Variants in NBEA observed in about 807,000 individuals in gnomAD.
NBEA encodes neurobeachin, also known as lysosomal-trafficking regulator 2.
Under a neutral mutation model 343.4 loss-of-function variants are expected in NBEA, and 44 were observed. The observed-to-expected ratio is 0.13, with a 90% CI of 0.10 to 0.16. The LOEUF (loss-of-function observed/expected upper bound fraction) is 0.16. NBEA is among the 10% of genes least tolerant of loss of function. The pLI is 1.00. For synonymous variants in NBEA, 1,175 were observed against 1,238.7 expected, an observed-to-expected ratio of 0.95 and a Z score of 1.08; for missense variants, 2,555 against 3,631.3, an observed-to-expected ratio of 0.70 and a Z score of 7.62.
At chr13:35,409,969 T>C (rs772527827) in intron 38 of NBEA, among the ~76,000 whole-genome samples, 10 of 152,170 alleles carry the variant, frequency 6.6e-5, no homozygotes, top group Non-Finnish European at 1.0e-4. Flanking sequence ...ATTATATTCA[T>C]GCTTTTTTGC....
At chr13:35,651,058 A>T (rs2084498072) in intron 52 of NBEA, among the ~76,000 whole-genome samples, 1 of 152,188 alleles carries the variant, frequency 6.6e-6, no homozygotes, top group East Asian at 1.9e-4. Flanking sequence ...AAAATATATG[A>T]CTGTATTATT....
chr13:35,624,055 GGTGTGTGTGT>G (rs10561419), intron 48 of NBEA, among the ~76,000 whole-genome samples: 12 of 147,408 alleles, frequency 8.1e-5, no homozygotes, highest in African/African-American at 3.1e-4. Flanking sequence ...TGTGTGTGTG[GGTGTGTGTGT>G]GTGTGTGTGT....
chr13:35,394,050 T>A (rs906130214), intron 38 of NBEA, among the ~76,000 whole-genome samples: 1 of 152,168 alleles, frequency 6.6e-6, no homozygotes, highest in Non-Finnish European at 1.5e-5. Flanking sequence ...CTGTTTGAAC[T>A]ATTTTATATC....
intron 41 of NBEA, among the ~76,000 whole-genome samples, chr13:35,488,027 A>T (rs1002324184): frequency 2.6e-5 from 4 of 151,848 alleles, no homozygotes; most frequent in Non-Finnish European, 4.4e-5. Context: ...CAAATATCTT[A>T]TTTGTTTAAA....
chr13:35,216,765 A>G (rs2074088115), intron 33 of NBEA, among the ~76,000 whole-genome samples: 1 of 151,966 alleles, frequency 6.6e-6, no homozygotes, highest in African/African-American at 2.4e-5. Context: ...TCTCAGTCAT[A>G]TTCTATGGTA....
At chr13:35,051,355 A>T (rs1268234568) in intron 6 of NBEA, among the ~76,000 whole-genome samples, 1 of 151,376 alleles carries the variant, frequency 6.6e-6, no homozygotes, top group African/African-American at 2.4e-5. Context: ...TGAGGGGGAG[A>T]TCTTTATTTC....
intron 10 of NBEA, among the ~76,000 whole-genome samples, chr13:35,081,168 G>A (rs541758831): frequency 2.6e-5 from 4 of 152,268 alleles, no homozygotes; most frequent in Admixed American, 1.3e-4. Context: ...TGGGGGAATA[G>A]CAGGAGTCCT....
chr13:35,511,306 A>G (rs181684220), intron 41 of NBEA, among the ~76,000 whole-genome samples: 1 of 152,274 alleles, frequency 6.6e-6, no homozygotes, highest in East Asian at 1.9e-4. Flanking sequence ...CTGGACTTTA[A>G]AGAATTTTTA....
At chr13:35,464,274 C>A (rs9573966) in intron 40 of NBEA, among the ~76,000 whole-genome samples, 148,974 of 152,314 alleles carry the variant, frequency 0.98, 72,942 homozygotes, top group East Asian at 1. Context: ...ATGATTTTTC[C>A]GTTTCATCTC....
chr13:35,174,637 TTTAC>T (rs1360757409), intron 27 of NBEA, among the ~76,000 whole-genome samples: 5 of 152,120 alleles, frequency 3.3e-5, no homozygotes, highest in African/African-American at 1.2e-4. Context: ...CTATATATTA[TTTAC>T]TGCTCACAGG....
chr13:35,462,545 A>G (rs1034192959), intron 40 of NBEA, among the ~76,000 whole-genome samples: 1 of 152,156 alleles, frequency 6.6e-6, no homozygotes, highest in African/African-American at 2.4e-5. Flanking sequence ...AGGGAGCTTT[A>G]TGTGCCTTAA....
At chr13:35,594,190 C>T (rs1284595261) in intron 47 of NBEA, among the ~76,000 whole-genome samples, 1 of 151,864 alleles carries the variant, frequency 6.6e-6, no homozygotes, top group Non-Finnish European at 1.5e-5. Flanking sequence ...AAATGTGTTT[C>T]TTATTTTAAG....
rs540387879 is a variant in NBEA at position 35,054,829 on chromosome 13, A to T, written c.973-1181A>T. On this transcript the variant is annotated intron_variant, in intron 6 of 58. Transcript: ENST00000379939. ...TGGCTAATTTTTGTATTTTTAGTAG[A>T]CACGGGGTTTCACCATGTTGGCCAG... 3.4e-3 allele frequency among the ~76,000 whole-genome samples: 509 copies of T among 151,420 alleles called. 2 individuals are homozygous for T. The highest frequency in any genetic ancestry group is 0.012 in the African/African-American group (483 of 41,334).
intron 45 of NBEA, among the ~76,000 whole-genome samples, chr13:35,571,285 G>C (rs992568773): frequency 6.6e-6 from 1 of 152,062 alleles, no homozygotes; most frequent in Non-Finnish European, 1.5e-5. Flanking sequence ...ATTCTGTGTT[G>C]TATCAGTTGG....
intron 41 of NBEA, among the ~76,000 whole-genome samples, chr13:35,480,737 C>CT (rs1349135813): frequency 6.6e-6 from 1 of 151,578 alleles, no homozygotes; most frequent in Non-Finnish European, 1.5e-5. Flanking sequence ...CAATATATTT[C>CT]TTTTTTTACA....
rs913182478 is a variant in NBEA at position 35,641,717 on chromosome 13, T to A, written c.7618-4152T>A. Among the ~76,000 whole-genome samples, 8 of 152,098 alleles carry A rather than the reference T, an allele frequency of 5.3e-5. No individual in the cohort carries two copies. The East Asian group carries it at 1.5e-3, about 29-fold the overall frequency. ...CTGGGGAGGCACACAAGGTTACCAG[T>A]ATCTATGTATTCTCTCATGTACCCA... On this transcript the variant is annotated intron_variant, in intron 49 of 58. Coordinates refer to ENST00000379939, the MANE Select transcript of NBEA (RefSeq NM_001385012.1).
chr13:35,121,241 A>ACT (rs1420974504), intron 16 of NBEA, among the ~76,000 whole-genome samples: 1 of 152,090 alleles, frequency 6.6e-6, no homozygotes, highest in Non-Finnish European at 1.5e-5. Context: ...AGTAACTGGC[A>ACT]CTACAGGCAT....
chr13:35,103,204 A>G (rs2065739880), intron 11 of NBEA, among the ~76,000 whole-genome samples: 1 of 151,294 alleles, frequency 6.6e-6, no homozygotes, highest in African/African-American at 2.4e-5. Context: ...ATATTCCTGG[A>G]CTCTCGTTTA....
At chr13:35,136,592 A>G (rs1203973007) in intron 17 of NBEA, among the ~76,000 whole-genome samples, 3 of 152,210 alleles carry the variant, frequency 2.0e-5, no homozygotes, top group African/African-American at 7.2e-5. Flanking sequence ...GAGTTCCTAA[A>G]AAGAAAATGG....
Sources: gnomAD v4.1 joint callset for allele counts (sites outside exome capture counted in the v4.1 genomes callset) on GRCh38, gnomAD v4.1.1 for gene constraint, MANE v1.5 for transcripts, NCBI Gene and HGNC (gene_info 2026-07-23, HGNC 2026-07-21) for gene names.